RECQL5: variants seen among roughly 807,000 people sequenced by gnomAD.
The protein encoded by RECQL5 is ATP-dependent DNA helicase Q5.
Under a neutral mutation model 103.4 loss-of-function variants are expected in RECQL5, and 88 were observed. That is an observed-to-expected ratio of 0.85 (90% confidence interval 0.72 to 1.02). The LOEUF is 1.02. RECQL5 is among the 50% of genes least tolerant of loss of function. The pLI, the probability that RECQL5 is intolerant of heterozygous loss-of-function variation, is 0.00. For synonymous variants in RECQL5, 552 were observed against 507.9 expected (o/e 1.09, Z -1.17); for missense variants, 1,232 against 1,284.3 (o/e 0.96, Z 0.62).
intron 2 of RECQL5, 125 bp from the exon 3 acceptor site, chr17:75,665,297 T>C: frequency 1.2e-6 from 1 of 809,910 alleles, no homozygotes; most frequent in Non-Finnish European, 1.9e-6. Context: ...GGTCTCGATG[T>C]AATCCTAATT....
chr17:75,630,335 G>A (rs1329366198), intron 13 of RECQL5, 58 bp from the exon 14 acceptor site: 1 of 1,442,040 alleles, frequency 6.9e-7, no homozygotes, highest in African/African-American at 1.4e-5. Flanking sequence ...TCTCCCTGCT[G>A]AGCTCTTGCG....
chr17:75,647,692 G>C, intron 8 of RECQL5: 1 of 869,192 alleles, frequency 1.2e-6, no homozygotes, highest in Non-Finnish European at 1.8e-6. Context: ...TTTCCCATCA[G>C]GAAAAAGTCT....
Position 75,631,631 on chromosome 17 carries a change from C to T in RECQL5, c.1267G>A (p.Ala423Thr). 1.2e-6 allele frequency: 2 copies of T among 1,612,100 alleles called. No individual in the cohort carries two copies. The highest frequency in any genetic ancestry group is 1.7e-6 in the Non-Finnish European group (2 of 1,179,832). The change falls in exon 9 of 20, where the codon GCG becomes ACG. Residue 423 changes from alanine (A) to threonine (T), a missense_variant. Physicochemically the swap from Ala to Thr is moderately conservative, Grantham distance 58 (BLOSUM62 0). Coordinates refer to ENST00000317905, the MANE Select transcript of RECQL5 (RefSeq NM_004259.7). ...CAGCCTTTGGCGCAGGCAGGCAGCGCATCCCCGAAGTACTTGGCAATGGCG... is the reference window on the plus strand; with the variant it reads ...CAGCCTTTGGCGCAGGCAGGCAGCGTATCCCCGAAGTACTTGGCAATGGCG... Reference protein sequence around the residue: ...HAAIAKYFGDALPACAKGCDH... With the variant: ...HAAIAKYFGDTLPACAKGCDH...
chr17:75,631,701 G>A (rs745725432), intron 8 of RECQL5, 33 bp from the exon 9 acceptor site: 49 of 1,595,202 alleles, frequency 3.1e-5, no homozygotes, highest in Middle Eastern at 2.2e-4. Context: ...GGTGAGGGGC[G>A]GAGAGCCCAG....
Position 75,628,202 on chromosome 17 carries a change from CA to C in RECQL5, c.2805+15del. ...CCCAGGCATGGGAGAAGGCAGAGCC[CA>C]CTCACTCCCCCTACCTTGGAAGCAA... On this transcript the variant is annotated intron_variant, in intron 18 of 19. Coordinates refer to ENST00000317905, the MANE Select transcript of RECQL5 (RefSeq NM_004259.7). 1 of 1,601,032 alleles carries C rather than the reference CA, an allele frequency of 6.2e-7. No individual in the cohort carries two copies. The highest frequency in any genetic ancestry group is 1.1e-5 in the South Asian group (1 of 90,814).
intron 2 of RECQL5, 53 bp downstream of exon 2, chr17:75,666,375 G>A (rs2059781524): frequency 6.2e-7 from 1 of 1,600,632 alleles, no homozygotes; most frequent in Non-Finnish European, 8.5e-7. Context: ...TTCTGCCGCA[G>A]CGTTATGGTA....
chr17:75,647,506 G>A (rs1229855768), intron 8 of RECQL5: 3 of 1,550,404 alleles, frequency 1.9e-6, no homozygotes, highest in South Asian at 1.2e-5. Context: ...ATTTGCCATC[G>A]TGTTTGGTTT....
intron 8 of RECQL5, among the ~76,000 whole-genome samples, chr17:75,645,930 T>G (rs1217291988): frequency 6.6e-6 from 1 of 152,124 alleles, no homozygotes; most frequent in Non-Finnish European, 1.5e-5. Context: ...GGGAAGCCCT[T>G]GGAGGGCAGG....
In RECQL5 at chr17:75,629,473, G is replaced by C. The variant is rs1265916800; in HGVS notation, c.1950C>G (p.Leu650=). The C allele has an allele frequency of 6.7e-7, 1 of 1,503,610 alleles. No individual in the cohort carries two copies. The highest frequency in any genetic ancestry group is 1.8e-4 in the Middle Eastern group (1 of 5,554). The allele number at this position is 1,503,610 out of a possible 1,614,324, so 93.1% of individuals were successfully genotyped here. A position where few individuals can be genotyped will look rare whatever the true frequency, so the allele number is the denominator to read the frequency against. ...DIPPASHVYS[L]KPKRVGAGFP... The stretch of plus-strand genomic sequence containing the variant: ...AACCAGCTCCCACCCGCTTGGGTTT[G>C]AGCTGTAAATGTGAGCAGGAGGAGA... Residue 650 remains leucine, a splice_region_variant and synonymous_variant, in exon 16 of 20, where the codon CTC becomes CTG. Coordinates refer to ENST00000317905, the MANE Select transcript of RECQL5 (RefSeq NM_004259.7).
intron 7 of RECQL5, among the ~76,000 whole-genome samples, chr17:75,658,041 C>CT (rs1340187425): frequency 6.6e-6 from 1 of 151,588 alleles, no homozygotes. Flanking sequence ...GAGTGAGACT[C>CT]TGTCTCAAAA....
rs765264799 is a variant in RECQL5 at position 75,630,183 on chromosome 17, CCTT to C, written c.1810_1812del (p.Lys604del). 21 of 1,546,746 alleles carry C rather than the reference CCTT, an allele frequency of 1.4e-5. No homozygotes were observed. The highest frequency in any genetic ancestry group is 1.3e-5 in the Non-Finnish European group (15 of 1,144,614). On this transcript the variant is annotated inframe_deletion and splice_region_variant, in exon 14 of 20. Transcript: ENST00000317905. Reference sequence around the variant, plus strand: ...CCTGGGTCCGCCTGCACCAGGCCCACCTTCTTCAGCACGCTGGCCTTGTAGAGG... The same window carrying C: ...CCTGGGTCCGCCTGCACCAGGCCCACCTTCAGCACGCTGGCCTTGTAGAGG...
Position 75,647,402 on chromosome 17 carries a change from C to T in RECQL5, c.1229+3784G>A, listed in dbSNP as rs1363260804. ...ATGGACCAACTGGTATTCAAAGAGA[C>T]AATCTGGAATGATGCGTTCTGGCAG... is the stretch of plus-strand genomic sequence containing the variant. On this transcript the variant is annotated intron_variant, in intron 8 of 19. Coordinates refer to ENST00000317905, the MANE Select transcript of RECQL5 (RefSeq NM_004259.7). The T allele has an allele frequency of 6.5e-6, 10 of 1,549,482 alleles. No individual in the cohort carries two copies. In the Middle Eastern group the frequency reaches 6.7e-4, roughly 104 times the overall value.
At chr17:75,641,631 A>G (rs551531726) in intron 8 of RECQL5, among the ~76,000 whole-genome samples, 46 of 152,370 alleles carry the variant, frequency 3.0e-4, no homozygotes, top group Non-Finnish European at 5.1e-4. Flanking sequence ...AGGCTGAGGC[A>G]CTACTCTGCA....
In RECQL5 at chr17:75,640,276, C is replaced by A; in HGVS notation, c.1230-8608G>T. ...TGCTGCTCAAGCTGCAGAGACTGCC[C>A]CAGGCTGAGCCCGTGGAGATCGTGG... On this transcript the variant is annotated intron_variant, in intron 8 of 19. Coordinates refer to ENST00000317905, the MANE Select transcript of RECQL5 (RefSeq NM_004259.7). This position sits in a 1 kb window ranked among gnomAD's most constrained non-coding sequence, Gnocchi z 4.6. 6.4e-7 allele frequency: 1 copy of A among 1,551,448 alleles called. No homozygotes were observed. The highest frequency in any genetic ancestry group is 8.7e-7 in the Non-Finnish European group (1 of 1,146,902).
chr17:75,649,688 T>C (rs1225561541), intron 8 of RECQL5: 3 of 985,388 alleles, frequency 3.0e-6, no homozygotes, highest in African/African-American at 1.7e-5. Flanking sequence ...AAACATTCAC[T>C]TATTCAAAGA....
intron 18 of RECQL5, among the ~76,000 whole-genome samples, chr17:75,627,903 C>A (rs2059128840): frequency 6.6e-6 from 1 of 152,018 alleles, no homozygotes; most frequent in African/African-American, 2.4e-5. Context: ...CCTGTAGTCC[C>A]AGCTACTCGG....
rs779340422 is a variant in RECQL5 at position 75,630,688 on chromosome 17, C to A, written c.1649G>T (p.Arg550Leu). The A allele has an allele frequency of 6.2e-7, 1 of 1,613,380 alleles. No individual in the cohort carries two copies. Among genetic ancestry groups the A allele is most frequent in the African/African-American group, 1.3e-5 (1 of 74,920 alleles). Reference sequence around the variant, plus strand: ...CTCCAGAAGCCGCAGGCAGTGCTCCCGTGCCTGGCACAGGACAGTGAGACT... The same window carrying A: ...CTCCAGAAGCCGCAGGCAGTGCTCCAGTGCCTGGCACAGGACAGTGAGACT... ...RRIPRLTVKA[R>L]EHCLRLLEEA... The change falls in exon 13 of 20, where the codon CGG (arginine) becomes CTG (leucine). Residue 550 changes from arginine (R) to leucine (L), a missense_variant. Physicochemically the swap from Arg to Leu is moderately radical, Grantham distance 102. Coordinates refer to ENST00000317905, the MANE Select transcript of RECQL5 (RefSeq NM_004259.7).
chr17:75,631,626 C>A lies in RECQL5; in HGVS notation c.1272G>T (p.Leu424=). 2 of 1,612,184 alleles carry A rather than the reference C, an allele frequency of 1.2e-6. No individual in the cohort carries two copies. The highest frequency in any genetic ancestry group is 1.1e-5 in the South Asian group (1 of 91,028). ...AAIAKYFGDA[L]PACAKGCDHC... ...GGTCGCAGCCTTTGGCGCAGGCAGGCAGCGCATCCCCGAAGTACTTGGCAA... is the reference window on the plus strand; with the variant it reads ...GGTCGCAGCCTTTGGCGCAGGCAGGAAGCGCATCCCCGAAGTACTTGGCAA... The change falls in exon 9 of 20, where the codon CTG becomes CTT. Residue 424 remains leucine, a synonymous_variant. Coordinates refer to ENST00000317905, the MANE Select transcript of RECQL5 (RefSeq NM_004259.7).
intron 6 of RECQL5, among the ~76,000 whole-genome samples, chr17:75,658,670 G>C (rs2059659413): frequency 6.6e-6 from 1 of 152,172 alleles, no homozygotes; most frequent in African/African-American, 2.4e-5. Context: ...GGAGTTAAGG[G>C]GGGGCAAATC....
Sources: gnomAD v4.1 joint callset for allele counts (sites outside exome capture counted in the v4.1 genomes callset) on GRCh38, gnomAD v4.1.1 for gene constraint, Gnocchi (gnomAD v3.1) non-coding constraint, MANE v1.5 for transcripts, NCBI Gene and HGNC (gene_info 2026-07-23, HGNC 2026-07-21) for gene names.